Variants in TMIGD3 observed in about 807,000 individuals in gnomAD.
The protein encoded by TMIGD3 is AD026 protein (AD026).
TMIGD3 carries 21 observed loss-of-function variants against 28.1 expected under a neutral mutation model. The ratio of observed to expected loss-of-function variants is 0.75; its 90% CI spans 0.53 to 1.08. The LOEUF is 1.08. Among genes scored for constraint, TMIGD3 ranks in the 50% least tolerant of loss-of-function variants. The pLI is 0.00. For missense variants in TMIGD3, 416 were observed against 435.6 expected, an observed-to-expected ratio of 0.96 and a Z score of 0.40; for synonymous variants, 151 against 162.1, an observed-to-expected ratio of 0.93 and a Z score of 0.52.
In TMIGD3 at chr1:111,490,727, G is replaced by A; in HGVS notation, c.386C>T (p.Ser129Leu). 6.2e-7 allele frequency: 1 copy of A among 1,614,014 alleles called. No homozygotes were observed. Among genetic ancestry groups the A allele is most frequent in the Non-Finnish European group, 8.5e-7 (1 of 1,179,986 alleles). ...AAGGAAGCAAACTTTCAACTGGAATGATAGAATGCACCCAGGGAGCCCAGG... is the reference window on the plus strand; with the variant it reads ...AAGGAAGCAAACTTTCAACTGGAATAATAGAATGCACCCAGGGAGCCCAGG... ...RIPGLPGCIL[S>L]FQLKVCFLPV... Residue 129 changes from serine (S) to leucine (L), a missense_variant, in exon 2 of 6, where the codon TCA (serine) becomes TTA (leucine). Coordinates refer to ENST00000369716, the MANE Select transcript of TMIGD3 (RefSeq NM_020683.7).
At position 111,493,878 on chromosome 1, in the gene TMIGD3, A is replaced by G. The variant is rs575569377; in HGVS notation, c.351-3116T>C. Among the ~76,000 whole-genome samples, 31 of 152,368 alleles carry G rather than the reference A, an allele frequency of 2.0e-4. No homozygotes were observed. In the South Asian group the frequency reaches 5.8e-3, roughly 28 times the overall value. ...ATATTAGAATTTACAAAGGGTCTTT[A>G]AAGATATCTGTCATCTGAGTAGTTG... On this transcript the variant is annotated intron_variant, in intron 1 of 5. Coordinates refer to ENST00000369716, the MANE Select transcript of TMIGD3 (RefSeq NM_020683.7).
At chr1:111,499,789 G>A in intron 1 of TMIGD3, 1 of 1,459,636 alleles carries the variant, frequency 6.9e-7, no homozygotes, top group Non-Finnish European at 9.0e-7. Flanking sequence ...GAAGAGAGTA[G>A]TGGAGTGGGG....
chr1:111,491,479 G>T (rs1226195849), intron 1 of TMIGD3, among the ~76,000 whole-genome samples: 1 of 152,218 alleles, frequency 6.6e-6, no homozygotes, highest in African/African-American at 2.4e-5. Context: ...GTTAAGCTGG[G>T]TGCTACTTAT....
intron 1 of TMIGD3, among the ~76,000 whole-genome samples, chr1:111,525,037 T>A (rs1000787422): frequency 5.3e-5 from 8 of 152,238 alleles, no homozygotes; most frequent in Non-Finnish European, 1.5e-5. Context: ...TTTAATTCCA[T>A]GTGTTGAGAG....
chr1:111,514,907 A>C (rs967410100), intron 1 of TMIGD3, among the ~76,000 whole-genome samples: 11 of 151,936 alleles, frequency 7.2e-5, no homozygotes, highest in African/African-American at 2.4e-4. Flanking sequence ...CATTTTCATC[A>C]CCTCTTCTTT....
intron 1 of TMIGD3, among the ~76,000 whole-genome samples, chr1:111,522,334 G>C (rs974737204): frequency 7.9e-5 from 12 of 152,106 alleles, no homozygotes; most frequent in Admixed American, 2.6e-4. Context: ...GTGTTAAATT[G>C]ACAAATCAGT....
At chr1:111,523,859 T>A (rs1043092338) in intron 1 of TMIGD3, among the ~76,000 whole-genome samples, 1 of 151,940 alleles carries the variant, frequency 6.6e-6, no homozygotes. Flanking sequence ...TCAATCAGAC[T>A]AAGGTTTATC....
At chr1:111,507,780 T>C (rs1655560366), upstream of TMIGD3, among the ~76,000 whole-genome samples, 1 of 152,194 alleles carries the variant, frequency 6.6e-6, no homozygotes, top group Non-Finnish European at 1.5e-5. Context: ...CCCCAAAGCC[T>C]TACATTTTTA....
chr1:111,560,375 G>C (rs551435030), intron 1 of TMIGD3, among the ~76,000 whole-genome samples: 15 of 151,952 alleles, frequency 9.9e-5, no homozygotes, highest in Non-Finnish European at 1.0e-4. Flanking sequence ...TAAGGCAGGG[G>C]CTGATATTCA....
At chr1:111,541,425 T>C (rs1656818029) in intron 1 of TMIGD3, among the ~76,000 whole-genome samples, 1 of 152,186 alleles carries the variant, frequency 6.6e-6, no homozygotes, top group South Asian at 2.1e-4. Context: ...ACTGATACAG[T>C]GATGACTGAA....
chr1:111,515,837 TC>T (rs1655845591), intron 1 of TMIGD3, among the ~76,000 whole-genome samples: 1 of 152,176 alleles, frequency 6.6e-6, no homozygotes, highest in Non-Finnish European at 1.5e-5. Flanking sequence ...GACGCACTCC[TC>T]CGGAACTCCG....
chr1:111,503,839 A>G (rs1242897832), upstream of TMIGD3: 1 of 998,996 alleles, frequency 1.0e-6, no homozygotes, highest in African/African-American at 1.7e-5. Context: ...TGAGTGGCAT[A>G]GAGAAGGCTC....
rs1654216124 is a variant in TMIGD3, at chr1:111,483,470, T to G, written c.*217A>C. ...ATGGAATGCATAAGAACTAAGATCT[T>G]GAGATGTTATTTGAGGGCAGCCTTG... On this transcript the variant is annotated 3_prime_UTR_variant, in exon 6 of 6. Transcript: ENST00000369716. 1.1e-4 allele frequency: 58 copies of G among 529,364 alleles called. No individual in the cohort carries two copies. The highest frequency in any genetic ancestry group is 5.1e-4 in the Middle Eastern group (1 of 1,964). 32.8% of individuals were successfully genotyped at this position (529,364 alleles called of 1,614,324 possible). A position where few individuals can be genotyped will look rare whatever the true frequency, so the allele number is the denominator to read the frequency against.
upstream of TMIGD3, among the ~76,000 whole-genome samples, chr1:111,507,318 G>A (rs1655543202): frequency 6.6e-6 from 1 of 152,012 alleles, no homozygotes; most frequent in Non-Finnish European, 1.5e-5. Flanking sequence ...ACTCCATCAG[G>A]GAAGCAAAGA....
intron 1 of TMIGD3, among the ~76,000 whole-genome samples, chr1:111,521,597 G>T (rs1656062041): frequency 6.6e-6 from 1 of 152,044 alleles, no homozygotes; most frequent in Non-Finnish European, 1.5e-5. Flanking sequence ...ATTAAATTTT[G>T]TGCCCATTTT....
intron 1 of TMIGD3, among the ~76,000 whole-genome samples, chr1:111,520,331 G>A (rs1181011062): frequency 6.6e-5 from 10 of 152,190 alleles, no homozygotes; most frequent in Non-Finnish European, 1.5e-5. Context: ...ATCTCCCCAT[G>A]TGTTCCTCCT....
chr1:111,488,534 C>T (rs1654495265), intron 3 of TMIGD3, 143 bp downstream of exon 3: 7 of 697,600 alleles, frequency 1.0e-5, no homozygotes, highest in South Asian at 3.8e-5. Context: ...CTATGTTTGC[C>T]GGAGGAAGAG....
chr1:111,499,043 A>T (rs1655020704), intron 1 of TMIGD3, among the ~76,000 whole-genome samples: 1 of 151,204 alleles, frequency 6.6e-6, no homozygotes, highest in African/African-American at 2.4e-5. Flanking sequence ...ATGATCTGCG[A>T]TCGAGCCACT....
In TMIGD3 at chr1:111,557,268, G is replaced by C. The variant is rs138847267; in HGVS notation, c.107+6578C>G. 2.0e-4 allele frequency among the ~76,000 whole-genome samples: 31 copies of C among 152,248 alleles called. No individual in the cohort carries two copies. In the East Asian group the frequency reaches 5.6e-3, roughly 27 times the overall value. The stretch of plus-strand genomic sequence containing the variant: ...ATATATTTTAAAAATCTTACAGAAG[G>C]CCAGGCGTGGTGGCTCACGCCTGTA... On this transcript the variant is annotated intron_variant, in intron 1 of 5. Coordinates refer to the TMIGD3 transcript ENST00000369717.
Sources: allele counts gnomAD v4.1 joint callset (sites outside exome capture counted in the v4.1 genomes callset), GRCh38; gene constraint gnomAD v4.1.1; transcripts MANE v1.5; gene names NCBI Gene and HGNC (gene_info 2026-07-23, HGNC 2026-07-21).